The following CEMIP variants were observed in gnomAD, a reference collection of about 807,000 sequenced individuals.
CEMIP encodes cell migration-inducing and hyaluronan-binding protein.
Under a neutral mutation model 156.9 loss-of-function variants are expected in CEMIP, and 105 were observed. That is an observed-to-expected ratio of 0.67 (90% CI 0.57 to 0.79). The LOEUF (loss-of-function observed/expected upper bound fraction) is 0.79. CEMIP is among the 30% of genes least tolerant of loss of function. CEMIP has a pLI of 0.00. For missense variants in CEMIP, 1,457 were observed against 1,769.4 expected (o/e 0.82, Z 3.17); for synonymous variants, 676 against 668.4 (o/e 1.01, Z -0.17).
intron 25 of CEMIP, 152 bp downstream of exon 25, chr15:80,938,131 T>C: frequency 1.5e-6 from 1 of 659,502 alleles, no homozygotes. Context: ...GACTGTCCCA[T>C]ACATTAACGA....
intron 21 of CEMIP, among the ~76,000 whole-genome samples, chr15:80,929,456 G>T (rs1305327035): frequency 6.6e-6 from 1 of 152,192 alleles, no homozygotes; most frequent in Non-Finnish European, 1.5e-5. Context: ...GTGTGTCTGG[G>T]ATCAGGGACT....
intron 1 of CEMIP, among the ~76,000 whole-genome samples, chr15:80,800,021 A>ATGTG (rs56412231): frequency 0.02 from 2,509 of 124,820 alleles, 47 homozygotes; most frequent in East Asian, 0.062. Context: ...AGCTAATTTT[A>ATGTG]TGTGTGTGTG....
At chr15:80,836,762 C>A (rs781775077) in intron 1 of CEMIP, among the ~76,000 whole-genome samples, 30 of 152,080 alleles carry the variant, frequency 2.0e-4, no homozygotes, top group Non-Finnish European at 7.3e-5. Flanking sequence ...AGCTTCCACG[C>A]CCAGATTTTA....
intron 12 of CEMIP, among the ~76,000 whole-genome samples, chr15:80,900,676 GTATTTTGTGTGTGTA>G (rs1899487558): frequency 7.1e-6 from 1 of 141,106 alleles, no homozygotes; most frequent in African/African-American, 2.8e-5. Flanking sequence ...GTGTGTGTGT[GTATTTTGTGTGTGTA>G]TTTTGTGTCT....
At chr15:80,802,014 G>A (rs758341238) in intron 1 of CEMIP, among the ~76,000 whole-genome samples, 1 of 152,212 alleles carries the variant, frequency 6.6e-6, no homozygotes, top group African/African-American at 2.4e-5. Flanking sequence ...CATCTGGAGA[G>A]TGTGGTATCT....
chr15:80,865,403 A>G (rs1898098233), intron 1 of CEMIP, among the ~76,000 whole-genome samples: 1 of 152,058 alleles, frequency 6.6e-6, no homozygotes, highest in Non-Finnish European at 1.5e-5. Context: ...GATGGTCTCT[A>G]TCTCTTGACC....
At chr15:80,786,200 T>C (rs922667102) in intron 1 of CEMIP, among the ~76,000 whole-genome samples, 1 of 152,070 alleles carries the variant, frequency 6.6e-6, no homozygotes, top group East Asian at 1.9e-4. Flanking sequence ...ATATCAATAG[T>C]GTTAGCTTAG....
At chr15:80,816,774 T>C (rs1053454429) in intron 1 of CEMIP, among the ~76,000 whole-genome samples, 14 of 151,970 alleles carry the variant, frequency 9.2e-5, no homozygotes, top group Non-Finnish European at 1.6e-4. Flanking sequence ...TGAGAGGACA[T>C]TGTGTCCTTG....
rs530303397 is a variant in CEMIP at position 80,932,563 on chromosome 15, C to T, written c.2793+524C>T. Among the ~76,000 whole-genome samples the T allele has an allele frequency of 2.6e-5, 4 of 152,244 alleles. No individual in the cohort carries two copies. Among genetic ancestry groups the T allele is most frequent in the South Asian group, 4.2e-4 (2 of 4,818 alleles). ...GCAAGGGCTGCCCTGTGAGACCAGCCGGGGCCAGTCCTCCTGTGCATTTCC... is the reference window on the plus strand; with the variant it reads ...GCAAGGGCTGCCCTGTGAGACCAGCTGGGGCCAGTCCTCCTGTGCATTTCC... On this transcript the variant is annotated intron_variant, in intron 22 of 29. Coordinates refer to ENST00000394685, the MANE Select transcript of CEMIP (RefSeq NM_001293298.2). The surrounding 1 kb of genome is among the most constrained non-coding windows in gnomAD (Gnocchi z 4.5).
rs1259922577 is a variant in CEMIP at position 80,779,412 on chromosome 15, A to G, written c.-378A>G. On this transcript the variant is annotated 5_prime_UTR_variant, in exon 1 of 30. Transcript: ENST00000394685. ...AGAGCCCAGCGCGGTGCTATCGGACAGAGCCTGGCGAGCGCAAGCGGCGCG... is the reference window on the plus strand; with the variant it reads ...AGAGCCCAGCGCGGTGCTATCGGACGGAGCCTGGCGAGCGCAAGCGGCGCG... The G allele has an allele frequency of 1.3e-5, 2 of 152,370 alleles. No homozygotes were observed. Among genetic ancestry groups the G allele is most frequent in the Admixed American group, 6.5e-5 (1 of 15,290 alleles). 9.4% of individuals were successfully genotyped at this position (152,370 alleles called of 1,614,324 possible). A position where few individuals can be genotyped will look rare whatever the true frequency, so the allele number is the denominator to read the frequency against.
chr15:80,906,583 T>C lies in CEMIP; in HGVS notation c.1412-80T>C. 2 of 1,412,394 alleles carry C rather than the reference T, an allele frequency of 1.4e-6. No homozygotes were observed. The highest frequency in any genetic ancestry group is 1.3e-5 in the South Asian group (1 of 77,670). The allele number at this position is 1,412,394 out of a possible 1,614,324, so 87.5% of individuals were successfully genotyped here. On this transcript the variant is annotated intron_variant, in intron 12 of 29. Transcript: ENST00000394685. This position sits in a 1 kb window ranked among gnomAD's most constrained non-coding sequence, Gnocchi z 4.3. Reference sequence around the variant, plus strand: ...CATGGCGATGAGTAAGCAGCAGCCATGGAGGCACCTGGCAGGGGCCCAGAA... The same window carrying C: ...CATGGCGATGAGTAAGCAGCAGCCACGGAGGCACCTGGCAGGGGCCCAGAA...
chr15:80,888,516 A>G (rs973925528), intron 8 of CEMIP, among the ~76,000 whole-genome samples, 185 bp from the exon 9 acceptor site: 5 of 152,170 alleles, frequency 3.3e-5, no homozygotes, highest in East Asian at 1.9e-4. Context: ...AACTGAAACA[A>G]AAGAATGGAT....
intron 14 of CEMIP, among the ~76,000 whole-genome samples, chr15:80,916,043 T>C (rs1900262923): frequency 6.6e-6 from 1 of 152,190 alleles, no homozygotes; most frequent in Admixed American, 6.5e-5. Context: ...ACAAGTAAAG[T>C]TCACTTCTAT....
At position 80,948,939 on chromosome 15, in the gene CEMIP, C is replaced by T. The variant is rs756437385; in HGVS notation, c.*15C>T. The T allele has an allele frequency of 2.0e-5, 33 of 1,613,994 alleles. No individual in the cohort carries two copies. The East Asian group carries it at 5.1e-4, about 25-fold the overall frequency. On this transcript the variant is annotated 3_prime_UTR_variant, in exon 30 of 30. Transcript: ENST00000394685. ...AGAAGTTGTGAGGACAGCTGCCGCCCGGTGCCACCTCGTGGTAGACTATGA... is the reference window on the plus strand; with the variant it reads ...AGAAGTTGTGAGGACAGCTGCCGCCTGGTGCCACCTCGTGGTAGACTATGA...
chr15:80,882,871 G>T (rs1332959911), intron 6 of CEMIP, among the ~76,000 whole-genome samples: 1 of 152,110 alleles, frequency 6.6e-6, no homozygotes, highest in African/African-American at 2.4e-5. Flanking sequence ...AAAGGTAGTA[G>T]GTGCTTGATC....
intron 6 of CEMIP, among the ~76,000 whole-genome samples, chr15:80,881,613 C>T (rs61066974): frequency 0.24 from 36,815 of 152,076 alleles, 4,586 homozygotes; most frequent in South Asian, 0.29. Context: ...GGGAGCACAG[C>T]GAGTGGCGGA....
At chr15:80,792,659 T>C (rs763247259) in intron 1 of CEMIP, among the ~76,000 whole-genome samples, 3 of 152,190 alleles carry the variant, frequency 2.0e-5, no homozygotes, top group South Asian at 4.1e-4. Flanking sequence ...ACACTGTATG[T>C]AGAGATGGCC....
At chr15:80,788,607 A>G (rs927081776) in intron 1 of CEMIP, among the ~76,000 whole-genome samples, 4 of 152,210 alleles carry the variant, frequency 2.6e-5, no homozygotes, top group African/African-American at 9.6e-5. Context: ...CTCTAATGCT[A>G]GTTTTCCAAA....
At chr15:80,838,484 TG>T (rs1897315091) in intron 1 of CEMIP, among the ~76,000 whole-genome samples, 1 of 152,084 alleles carries the variant, frequency 6.6e-6, no homozygotes, top group South Asian at 2.1e-4. Context: ...ATCATTCCCT[TG>T]GTTCAAGGCT....
Sources: allele counts gnomAD v4.1 joint callset (sites outside exome capture counted in the v4.1 genomes callset), GRCh38; gene constraint gnomAD v4.1.1; non-coding constraint Gnocchi (gnomAD v3.1); transcripts MANE v1.5; gene names NCBI Gene and HGNC (gene_info 2026-07-23, HGNC 2026-07-21).